PKD1: variants seen among roughly 807,000 people sequenced by gnomAD.
PKD1 encodes polycystin-1.
PKD1 carries 81 observed loss-of-function variants against 361.7 expected under a neutral mutation model. The observed-to-expected ratio is 0.22, with a 90% CI of 0.19 to 0.27. The LOEUF (loss-of-function observed/expected upper bound fraction) is 0.27, where lower values mean the gene tolerates loss of function less well. Ranked by LOEUF, PKD1 falls within the 10% of genes least tolerant of loss-of-function variation. The pLI is 1.00. For synonymous variants in PKD1, 3,615 were observed against 2,818.3 expected, an observed-to-expected ratio of 1.28 and a Z score of -8.95; for missense variants, 6,399 against 6,118.3, an observed-to-expected ratio of 1.05 and a Z score of -1.53.
Position 2,099,870 on chromosome 16 carries a change from G to C in PKD1, c.9914C>G (p.Ser3305Cys). 2 of 1,567,238 alleles carry C rather than the reference G, an allele frequency of 1.3e-6. No homozygotes were observed. Among genetic ancestry groups the C allele is most frequent in the Non-Finnish European group, 1.7e-6 (2 of 1,157,336 alleles). The part of the protein sequence containing the change: ...NAVWYGAVGD[S>C]AYSTGHVSRL... ...CCCCTACGGCACCCACCTGTAGGCAGAGTCGCCAACAGCCCCGTACCACAC... is the reference window on the plus strand; with the variant it reads ...CCCCTACGGCACCCACCTGTAGGCACAGTCGCCAACAGCCCCGTACCACAC... The change falls in exon 29 of 46, where the codon TCT becomes TGT. Residue 3305 changes from serine (S) to cysteine (C), a missense_variant. Ser to Cys is a moderately radical substitution (Grantham distance 112). Coordinates refer to ENST00000262304, the MANE Select transcript of PKD1 (RefSeq NM_001009944.3).
At position 2,093,610 on chromosome 16, in the gene PKD1, G is replaced by T; in HGVS notation, c.10950C>A (p.His3650Gln). Residue 3650 changes from histidine (H) to glutamine (Q), a missense_variant, in exon 37 of 46, where the codon CAC (histidine) becomes CAA (glutamine). Transcript: ENST00000262304. Reference sequence around the variant, plus strand: ...CCTTGGCCAGGAAGAGTGCAAAGCCGTGGGGTGGCCGTACGCGGGGCACAC... The same window carrying T: ...CCTTGGCCAGGAAGAGTGCAAAGCCTTGGGGTGGCCGTACGCGGGGCACAC... Reference protein sequence around the residue: ...SARVPRVRPPHGFALFLAKEE... With the variant: ...SARVPRVRPPQGFALFLAKEE... 1.2e-6 allele frequency: 2 copies of T among 1,609,326 alleles called. No individual in the cohort carries two copies. Among genetic ancestry groups the T allele is most frequent in the Non-Finnish European group, 1.7e-6 (2 of 1,178,318 alleles).
intron 1 of PKD1, among the ~76,000 whole-genome samples, chr16:2,126,503 G>C (rs2092801831): frequency 6.6e-6 from 1 of 152,290 alleles, no homozygotes; most frequent in African/African-American, 2.4e-5. Context: ...CCCTAGGCAA[G>C]GACAGCTGCC....
At chr16:2,107,790 C>G (rs550656986) in intron 16 of PKD1, 93 bp downstream of exon 16, 1 of 1,202,238 alleles carries the variant, frequency 8.3e-7, no homozygotes, top group Non-Finnish European at 1.2e-6. Flanking sequence ...GGAGAGCGTG[C>G]GGCCTCCACC....
intron 31 of PKD1, 21 bp downstream of exon 31, chr16:2,097,847 G>A (rs1325528316): frequency 3.1e-6 from 5 of 1,608,300 alleles, no homozygotes; most frequent in Non-Finnish European, 4.2e-6. Flanking sequence ...CCCAGCCCAG[G>A]ACCCCCAGTA....
chr16:2,097,533 A>G (rs1254726963), intron 32 of PKD1, 30 bp from the exon 33 acceptor site: 4 of 1,602,392 alleles, frequency 2.5e-6, no homozygotes, highest in Non-Finnish European at 3.4e-6. Flanking sequence ...GCAAGGTACC[A>G]GGGGATGTGT....
chr16:2,106,624 G>C lies in PKD1; in HGVS notation c.7263C>G (p.Thr2421=), dbSNP rs1305794811. ...GCATGCCTGCACTGCCCGTGGATGT[G>C]GTGGTCTCATCCAGCACCAGCGTCT... ...SNKTLVLDET[T]TSTGSAGMRL... is the part of the protein sequence containing the mutation. The change falls in exon 18 of 46, where the codon ACC becomes ACG. Residue 2421 remains threonine, a synonymous_variant. Coordinates refer to ENST00000262304, the MANE Select transcript of PKD1 (RefSeq NM_001009944.3). This position sits in a 1 kb window ranked among gnomAD's most constrained non-coding sequence, Gnocchi z 6.5. 1 of 1,598,550 alleles carries C rather than the reference G, an allele frequency of 6.3e-7. No individual in the cohort carries two copies. Among genetic ancestry groups the C allele is most frequent in the East Asian group, 2.2e-5 (1 of 44,836 alleles).
Position 2,110,163 on chromosome 16 carries a change from G to C in PKD1, c.5004C>G (p.Ala1668=), listed in dbSNP as rs762444924. The C allele has an allele frequency of 2.5e-6, 4 of 1,610,588 alleles. No homozygotes were observed. In the South Asian group the frequency reaches 3.3e-5, roughly 13 times the overall value. The part of the protein sequence containing the change: ...DGTNVSYSWT[A]WRDRGPALAG... ...CCAGGGCCGGGCCCCTGTCCCTCCA[G>C]GCAGTCCAGCTGTAGGAGACGTTGG... Residue 1668 remains alanine, a synonymous_variant, in exon 15 of 46, where the codon GCC becomes GCG. Transcript: ENST00000262304.
At chr16:2,101,562 G>C (rs958908881) in intron 26 of PKD1, among the ~76,000 whole-genome samples, 4 of 152,220 alleles carry the variant, frequency 2.6e-5, no homozygotes, top group Non-Finnish European at 5.9e-5. Flanking sequence ...AAGTTGCTGT[G>C]AGCCAAGATC....
At position 2,117,575 on chromosome 16, in the gene PKD1, C is replaced by A. The variant is rs770085494; in HGVS notation, c.1299G>T (p.Gln433His). ...CCCCGGCCCAGGCCTGACACTGCTC[C>A]TGCGCCTGCAGCCAGGCCGCCTTCT... The part of the protein sequence containing the change: ...VVEKAAWLQA[Q>H]EQCQAWAGAA... The change falls in exon 6 of 46, where the codon CAG becomes CAT. Residue 433 changes from glutamine to histidine, a missense_variant. Coordinates refer to ENST00000262304, the MANE Select transcript of PKD1 (RefSeq NM_001009944.3). 2 of 1,607,734 alleles carry A rather than the reference C, an allele frequency of 1.2e-6. No individual in the cohort carries two copies. The highest frequency in any genetic ancestry group is 1.7e-6 in the Non-Finnish European group (2 of 1,178,402).
rs547194096 is a variant in PKD1, at chr16:2,109,528, T to A, written c.5639A>T (p.Asn1880Ile). 10 of 1,610,856 alleles carry A rather than the reference T, an allele frequency of 6.2e-6. No individual in the cohort carries two copies. Among genetic ancestry groups the A allele is most frequent in the Non-Finnish European group, 7.6e-6 (9 of 1,179,430 alleles). ...CACGATGGGCTCCTCCGCCGTGAGG[T>A]TGTACGTGGCTGAGACCCAGCTGAC... is the stretch of plus-strand genomic sequence containing the variant. Reference protein sequence around the residue: ...NAVSWVSATYNLTAEEPIVGL... With the variant: ...NAVSWVSATYILTAEEPIVGL... The change falls in exon 15 of 46, where the codon AAC becomes ATC. Residue 1880 changes from asparagine to isoleucine, a missense_variant. Transcript: ENST00000262304.
Position 2,108,675 on chromosome 16 carries a change from T to G in PKD1, c.6492A>C (p.Ser2164=). 3 of 1,567,418 alleles carry G rather than the reference T, an allele frequency of 1.9e-6. No homozygotes were observed. The South Asian group carries it at 3.5e-5, about 18-fold the overall frequency. ...VLPLQVLMRR[S]QRNYLEAHVD... ...CGTGGGCCTCCAAGTAGTTGCGCTG[T>G]GATCGCCGCATCAGCACCTGCAGGG... Residue 2164 remains serine (S), a synonymous_variant, in exon 15 of 46, where the codon TCA becomes TCC. Coordinates refer to ENST00000262304, the MANE Select transcript of PKD1 (RefSeq NM_001009944.3).
rs763468744 is a variant in PKD1 at position 2,110,538 on chromosome 16, C to T, written c.4629G>A (p.Thr1543=). The T allele has an allele frequency of 1.6e-5, 25 of 1,611,590 alleles. No individual in the cohort carries two copies. The highest frequency in any genetic ancestry group is 4.4e-5 in the South Asian group (4 of 91,038). The change falls in exon 15 of 46, where the codon ACG becomes ACA. Residue 1543 remains threonine (T), a synonymous_variant. Coordinates refer to ENST00000262304, the MANE Select transcript of PKD1 (RefSeq NM_001009944.3). ...CGAGCCCCCGCACGCGCCGCTTCAC[C>T]GTCACATTGAGCCAGGCCTCGCTGC... ...VSRSEAWLNV[T]VKRRVRGLVV...
chr16:2,111,306 C>T lies in PKD1; in HGVS notation c.3861G>A (p.Leu1287=), dbSNP rs2092497729. The T allele has an allele frequency of 1.9e-6, 3 of 1,609,184 alleles. No individual in the cohort carries two copies. Among genetic ancestry groups the T allele is most frequent in the Admixed American group, 1.7e-5 (1 of 59,950 alleles). The change falls in exon 15 of 46, where the codon CTG becomes CTA. Residue 1287 remains leucine, a synonymous_variant. Coordinates refer to ENST00000262304, the MANE Select transcript of PKD1 (RefSeq NM_001009944.3). ...CCTCCAGGACGAAGACCAGCACGTGCAGGCTCCGGGCCAGGTGGCCGGCGG... is the reference window on the plus strand; with the variant it reads ...CCTCCAGGACGAAGACCAGCACGTGTAGGCTCCGGGCCAGGTGGCCGGCGG... ...ASPAGHLARS[L]HVLVFVLEVL...
chr16:2,128,467 A>G (rs2092825867), intron 1 of PKD1, among the ~76,000 whole-genome samples: 1 of 151,864 alleles, frequency 6.6e-6, no homozygotes, highest in African/African-American at 2.4e-5. Context: ...GTCTGTCTAT[A>G]AACCAGGGCA....
Position 2,110,290 on chromosome 16 carries a change from A to C in PKD1, c.4877T>G (p.Val1626Gly). The change falls in exon 15 of 46, where the codon GTC (valine) becomes GGC (glycine). Residue 1626 changes from valine to glycine, a missense_variant. By Grantham distance (109) the Val-to-Gly change is moderately radical. Coordinates refer to ENST00000262304, the MANE Select transcript of PKD1 (RefSeq NM_001009944.3). ...CCCCTCTATGAGCTGCAGGACATAGACGAAGATGCTGTCCTGGGCGGAGCC... is the reference window on the plus strand; with the variant it reads ...CCCCTCTATGAGCTGCAGGACATAGCCGAAGATGCTGTCCTGGGCGGAGCC... ...EVGSAQDSIF[V>G]YVLQLIEGLQ... 2 of 1,612,614 alleles carry C rather than the reference A, an allele frequency of 1.2e-6. No homozygotes were observed. Among genetic ancestry groups the C allele is most frequent in the Non-Finnish European group, 1.7e-6 (2 of 1,179,834 alleles).
At position 2,104,647 on chromosome 16, in the gene PKD1, G is replaced by A. The variant is rs2092264067; in HGVS notation, c.8017-5C>T. 3 of 1,491,050 alleles carry A rather than the reference G, an allele frequency of 2.0e-6. No homozygotes were observed. The highest frequency in any genetic ancestry group is 2.3e-5 in the East Asian group (1 of 43,218). The allele number at this position is 1,491,050 out of a possible 1,614,324, so 92.4% of individuals were successfully genotyped here. A position where few individuals can be genotyped will look rare whatever the true frequency, so the allele number is the denominator to read the frequency against. On this transcript the variant is annotated splice_polypyrimidine_tract_variant and splice_region_variant and intron_variant, in intron 21 of 45. Transcript: ENST00000262304. ...TACGAGCTCCCTGCTGGGCCCCTGT[G>A]TGGAGCCAGCAGTGTCCAGCCCCGC...
rs763152875 is a variant in PKD1, at chr16:2,111,471, G to A, written c.3696C>T (p.Ser1232=). The A allele has an allele frequency of 1.2e-5, 20 of 1,611,448 alleles. No individual in the cohort carries two copies. Among genetic ancestry groups the A allele is most frequent in the Middle Eastern group, 1.6e-4 (1 of 6,062 alleles). ...AVEQGAPVVV[S]AAVQTGDNIT... ...TGTTGTCGCCCGTCTGCACCGCGGC[G>A]CTGACCACCACGGGGGCGCCCTGCT... is the stretch of plus-strand genomic sequence containing the variant. Residue 1232 remains serine, a synonymous_variant, in exon 15 of 46, where the codon AGC becomes AGT. Coordinates refer to ENST00000262304, the MANE Select transcript of PKD1 (RefSeq NM_001009944.3).
At chr16:2,131,713 C>G (rs999646941) in intron 1 of PKD1, 1 of 151,936 alleles carries the variant, frequency 6.6e-6, no homozygotes, top group African/African-American at 2.4e-5. Flanking sequence ...ATCCCAGCTA[C>G]TCAGGAGGCT....
chr16:2,090,425 C>G lies in PKD1; in HGVS notation c.12304G>C (p.Gly4102Arg). The change falls in exon 45 of 46, where the codon GGG becomes CGG. Residue 4102 changes from glycine (G) to arginine (R), a missense_variant. Transcript: ENST00000262304. Reference sequence around the variant, plus strand: ...TAGCGCCAGCGGAGAATAACAGCCCCCAGCCGTAGGGCGCCCCACAGCCGC... The same window carrying G: ...TAGCGCCAGCGGAGAATAACAGCCCGCAGCCGTAGGGCGCCCCACAGCCGC... ...ALRLWGALRLGAVILRWRYHA... is the reference protein window; with the variant it reads ...ALRLWGALRLRAVILRWRYHA... 6.2e-7 allele frequency: 1 copy of G among 1,612,618 alleles called. No homozygotes were observed. The highest frequency in any genetic ancestry group is 8.5e-7 in the Non-Finnish European group (1 of 1,179,900).
Sources: allele counts gnomAD v4.1 joint callset (sites outside exome capture counted in the v4.1 genomes callset), GRCh38; gene constraint gnomAD v4.1.1; non-coding constraint Gnocchi (gnomAD v3.1); transcripts MANE v1.5; gene names NCBI Gene and HGNC (gene_info 2026-07-23, HGNC 2026-07-21).